Variants in ALDH1A2 observed in about 807,000 individuals in gnomAD.
ALDH1A2 encodes the protein retinal dehydrogenase 2.
Under a neutral mutation model 60.3 loss-of-function variants are expected in ALDH1A2, and 27 were observed. That is an observed-to-expected ratio of 0.45 (90% CI 0.33 to 0.62). The LOEUF is 0.62. Among genes scored for constraint, ALDH1A2 ranks in the 20% least tolerant of loss-of-function variants. ALDH1A2 has a pLI of 0.02. For synonymous variants in ALDH1A2, 289 were observed against 232.4 expected (o/e 1.24, Z -2.21); for missense variants, 581 against 643.8 (o/e 0.90, Z 1.06).
chr15:57,971,004 A>G (rs1192620328), intron 7 of ALDH1A2, among the ~76,000 whole-genome samples: 9 of 152,240 alleles, frequency 5.9e-5, no homozygotes, highest in Admixed American at 5.9e-4. Context: ...AAACAGGACC[A>G]AGGCATCTAA....
At chr15:57,958,048 T>G (rs3784264) in intron 12 of ALDH1A2, among the ~76,000 whole-genome samples, 59,407 of 151,906 alleles carry the variant, frequency 0.39, 13,356 homozygotes, top group South Asian at 0.72. Context: ...TGGGCAGTGA[T>G]GTATACTGGA....
chr15:57,963,539 T>TA (rs1222768570), intron 9 of ALDH1A2, among the ~76,000 whole-genome samples: 1 of 151,912 alleles, frequency 6.6e-6, no homozygotes, highest in Non-Finnish European at 1.5e-5. Context: ...GAGACAGGGT[T>TA]TCACCATATT....
chr15:57,965,883 C>T (rs367969993), intron 7 of ALDH1A2, 56 bp from the exon 8 acceptor site: 27 of 1,353,978 alleles, frequency 2.0e-5, no homozygotes, highest in South Asian at 1.5e-4. Flanking sequence ...AGACAGTCAC[C>T]GGCCAATGCC....
chr15:58,046,423 A>G (rs1367160892), intron 1 of ALDH1A2, among the ~76,000 whole-genome samples: 6 of 152,066 alleles, frequency 3.9e-5, no homozygotes, highest in Admixed American at 3.9e-4. Context: ...CTATGTATGT[A>G]AAACAAAGTA....
Position 57,984,882 on chromosome 15 carries a change from T to A in ALDH1A2, c.798+7823A>T, listed in dbSNP as rs143452240. Among the ~76,000 whole-genome samples, 405 of 152,356 alleles carry A rather than the reference T, an allele frequency of 2.7e-3. 4 individuals are homozygous for A. The highest frequency in any genetic ancestry group is 8.3e-3 in the East Asian group (43 of 5,190). On this transcript the variant is annotated intron_variant, in intron 7 of 12. Transcript: ENST00000249750. The stretch of plus-strand genomic sequence containing the variant: ...TCACGTTTCTTCTGTGATGATCACC[T>A]GGTTTTTGTCCTTTATTCCATTACT...
chr15:58,052,241 A>G (rs1304370431), intron 1 of ALDH1A2, among the ~76,000 whole-genome samples: 1 of 152,090 alleles, frequency 6.6e-6, no homozygotes, highest in Admixed American at 6.5e-5. Context: ...TCGGCCCTAA[A>G]AAGACCACAA....
At chr15:58,048,475 C>A (rs1479636489) in intron 1 of ALDH1A2, among the ~76,000 whole-genome samples, 1 of 152,046 alleles carries the variant, frequency 6.6e-6, no homozygotes, top group Non-Finnish European at 1.5e-5. Flanking sequence ...TCGTGTTCCC[C>A]AGAGGACAGT....
At chr15:57,990,197 C>CA (rs1894847087) in intron 7 of ALDH1A2, 1 of 152,052 alleles carries the variant, frequency 6.6e-6, no homozygotes. Flanking sequence ...TAAATGAAAC[C>CA]AATACTCTAA....
At chr15:58,044,201 A>C (rs906643966) in intron 1 of ALDH1A2, among the ~76,000 whole-genome samples, 1 of 151,846 alleles carries the variant, frequency 6.6e-6, no homozygotes, top group African/African-American at 2.4e-5. Context: ...TGCGTTTGTT[A>C]CCTAGGTATA....
intron 9 of ALDH1A2, among the ~76,000 whole-genome samples, chr15:57,963,312 A>G (rs1893787991): frequency 6.6e-6 from 1 of 151,362 alleles, no homozygotes; most frequent in African/African-American, 2.4e-5. Context: ...TTTAGAACTG[A>G]GAGACTCCAG....
intron 7 of ALDH1A2, among the ~76,000 whole-genome samples, chr15:57,986,283 C>T (rs1894697466): frequency 6.6e-6 from 1 of 152,050 alleles, no homozygotes; most frequent in African/African-American, 2.4e-5. Flanking sequence ...GAGACCAAAG[C>T]AGAATATGAT....
At chr15:58,018,665 C>A (rs978580786) in intron 1 of ALDH1A2, among the ~76,000 whole-genome samples, 1 of 152,178 alleles carries the variant, frequency 6.6e-6, no homozygotes, top group Admixed American at 6.5e-5. Flanking sequence ...AGCAATGGGA[C>A]AAATTGATAT....
At position 57,955,022 on chromosome 15, in the gene ALDH1A2, C is replaced by T; in HGVS notation, c.*175G>A. On this transcript the variant is annotated 3_prime_UTR_variant, in exon 13 of 13. Transcript: ENST00000249750. ...TGGCCCCTTACAGAGTGCCAAGAAA[C>T]TGTACCCAGCTGGTTTGCTTTAGTT... is the stretch of plus-strand genomic sequence containing the variant. 1.4e-6 allele frequency: 1 copy of T among 728,932 alleles called. No homozygotes were observed. The allele number at this position is 728,932 out of a possible 1,614,324, so 45.2% of individuals were successfully genotyped here.
intron 4 of ALDH1A2, among the ~76,000 whole-genome samples, chr15:57,999,619 T>C (rs764884147): frequency 5.3e-5 from 8 of 152,016 alleles, no homozygotes; most frequent in African/African-American, 9.7e-5. Context: ...TTGGTGGGAA[T>C]GTAAATTAGT....
chr15:58,043,840 C>A (rs1391416009), intron 1 of ALDH1A2, among the ~76,000 whole-genome samples: 3 of 152,080 alleles, frequency 2.0e-5, no homozygotes, highest in East Asian at 1.9e-4. Context: ...GAATGAGAAT[C>A]TTTTTCTCGG....
At chr15:57,963,847 G>C (rs1318991927) in intron 9 of ALDH1A2, 38 bp downstream of exon 9, 3 of 1,610,502 alleles carry the variant, frequency 1.9e-6, no homozygotes, top group African/African-American at 1.3e-5. Flanking sequence ...GCCAGTCAAG[G>C]ATTAAGTAAA....
rs987710877 is a variant in ALDH1A2, at chr15:58,026,679, T to A, written c.118-12398A>T. ...CACTCTTGCCCAAATACTGTGCTAT[T>A]CCCACAGTCTTAGCAAGCAGCAGAC... On this transcript the variant is annotated intron_variant, in intron 1 of 12. Transcript: ENST00000249750. Among the ~76,000 whole-genome samples, 6 of 152,164 alleles carry A rather than the reference T, an allele frequency of 3.9e-5. No individual in the cohort carries two copies. The East Asian group carries it at 1.2e-3, about 29-fold the overall frequency.
At chr15:58,050,222 C>T (rs1315951355) in intron 1 of ALDH1A2, among the ~76,000 whole-genome samples, 1 of 151,702 alleles carries the variant, frequency 6.6e-6, no homozygotes, top group East Asian at 1.9e-4. Flanking sequence ...TTCTACTGTG[C>T]TCTTCATTAT....
intron 1 of ALDH1A2, 155 bp from the exon 2 acceptor site, chr15:58,014,436 C>T (rs148255989): frequency 1.4e-6 from 1 of 708,018 alleles, no homozygotes; most frequent in African/African-American, 1.7e-5. Flanking sequence ...GACTCAACGC[C>T]AATTTAGGAA....
Sources: gnomAD v4.1 joint callset for allele counts (sites outside exome capture counted in the v4.1 genomes callset) on GRCh38, gnomAD v4.1.1 for gene constraint, MANE v1.5 for transcripts, NCBI Gene and HGNC (gene_info 2026-07-23, HGNC 2026-07-21) for gene names.